SLC26A1: variants seen among roughly 807,000 people sequenced by gnomAD.
SLC26A1 encodes solute carrier family 26 member 1.
A neutral mutation model predicts 14.5 loss-of-function variants in SLC26A1; 18 were observed. That is an observed-to-expected ratio of 1.24 (90% CI 0.86 to 1.84). The LOEUF is 1.84. Among genes scored for constraint, SLC26A1 ranks in the 40% most tolerant of loss-of-function variants. The pLI is 0.00. For synonymous variants in SLC26A1, 505 were observed against 492.0 expected (o/e 1.03, Z -0.35); for missense variants, 1,049 against 1,020.0 (o/e 1.03, Z -0.39).
In SLC26A1 at chr4:990,117, CA is replaced by C. The variant is rs767260790; in HGVS notation, c.821del (p.Leu274ArgfsTer2). 1.9e-6 allele frequency: 3 copies of C among 1,580,946 alleles called. No homozygotes were observed. In the East Asian group the frequency reaches 7.0e-5, roughly 37 times the overall value. On this transcript the variant is annotated frameshift_variant, in exon 3 of 3. Transcript: ENST00000398516. LOFTEE classifies it low-confidence loss of function (END_TRUNC). Reference protein sequence around the residue: ...VVTSTVCLAVLLAAKELSDRY... With the variant: ...VVTSTVCLAVXLAAKELSDRY... Reference sequence around the variant, plus strand: ...GGTCTGAGAGCTCCTTCGCGGCTAGCAGCACCGCCAGGCACACCGTGCTGGT... The same window carrying C: ...GGTCTGAGAGCTCCTTCGCGGCTAGCGCACCGCCAGGCACACCGTGCTGGT...
At position 987,657 on chromosome 4, in the gene SLC26A1, T is replaced by C; in HGVS notation, c.*1176A>G. The C allele has an allele frequency of 1.0e-5, 15 of 1,465,620 alleles. No homozygotes were observed. The South Asian group carries it at 2.1e-4, about 20-fold the overall frequency. The allele number at this position is 1,465,620 out of a possible 1,614,324, so 90.8% of individuals were successfully genotyped here. On this transcript the variant is annotated 3_prime_UTR_variant, in exon 3 of 3. Transcript: ENST00000398516. ...CCCATGAAGATGGGACCTCCCCACA[T>C]TCCTGGCCCTAAGGGTCATTTTATT...
At chr4:992,045 T>C in intron 1 of SLC26A1, 2 of 579,268 alleles carry the variant, frequency 3.5e-6, no homozygotes, top group Non-Finnish European at 6.5e-6. Context: ...CTCCGGCCTA[T>C]TGGCTCTGCG....
Position 989,663 on chromosome 4 carries a change from C to A in SLC26A1, c.1276G>T (p.Val426Leu), listed in dbSNP as rs1252784230. 3 of 1,579,192 alleles carry A rather than the reference C, an allele frequency of 1.9e-6. No homozygotes were observed. In the Admixed American group the frequency reaches 5.5e-5, roughly 29 times the overall value. ...SVVSATVVLL[V>L]LLALAPLFHD... is the part of the protein sequence containing the mutation. ...AACAGCGGTGCCAGCGCCAGCAGCA[C>A]CAGCAGCACCACGGTGGCGCTGACC... The change falls in exon 3 of 3, where the codon GTG (valine) becomes TTG (leucine). Residue 426 changes from valine to leucine, a missense_variant. Physicochemically the swap from Val to Leu is conservative, Grantham distance 32. Transcript: ENST00000398516.
chr4:985,284 G>A (rs1430590574), downstream of SLC26A1, among the ~76,000 whole-genome samples: 1 of 152,270 alleles, frequency 6.6e-6, no homozygotes, highest in Non-Finnish European at 1.5e-5. Flanking sequence ...CTGCAGGGGT[G>A]TGGAGTCGCC....
At chr4:990,418 C>G in intron 2 of SLC26A1, 56 bp from the exon 3 acceptor site, 1 of 1,490,230 alleles carries the variant, frequency 6.7e-7, no homozygotes, top group South Asian at 1.3e-5. Flanking sequence ...ACCTGCCCCT[C>G]ACCAGCACCT....
rs754967651 is a variant in SLC26A1 at position 989,941 on chromosome 4, G to GGGACCTGA, written c.990_997dup (p.Pro333LeufsTer8). 58 of 1,555,814 alleles carry GGGACCTGA rather than the reference G, an allele frequency of 3.7e-5. No individual in the cohort carries two copies. Among genetic ancestry groups the GGGACCTGA allele is most frequent in the Non-Finnish European group, 4.9e-5 (56 of 1,151,210 alleles). On this transcript the variant is annotated frameshift_variant, in exon 3 of 3. Transcript: ENST00000398516. LOFTEE classifies it low-confidence loss of function (END_TRUNC). ...CACACGCTGCATCAGCCTGGGCTCT[G>GGGACCTGA]GGACCTGAGGGGGCATGAAACCCGT...
chr4:990,782 G>A lies in SLC26A1; in HGVS notation c.576+346C>T, dbSNP rs529943994. On this transcript the variant is annotated intron_variant, in intron 2 of 2. Coordinates refer to ENST00000398516, the MANE Select transcript of SLC26A1 (RefSeq NM_022042.4). ...CCAAGGCAGGAGACCTTCGGGGGTGGGGAGGCCATCCCCCACTCCACCTAG... is the reference window on the plus strand; with the variant it reads ...CCAAGGCAGGAGACCTTCGGGGGTGAGGAGGCCATCCCCCACTCCACCTAG... 4 of 389,630 alleles carry A rather than the reference G, an allele frequency of 1.0e-5. No homozygotes were observed. The Admixed American group carries it at 1.7e-4, about 17-fold the overall frequency. 24.1% of individuals were successfully genotyped at this position (389,630 alleles called of 1,614,324 possible). A position where few individuals can be genotyped will look rare whatever the true frequency, so the allele number is the denominator to read the frequency against.
downstream of SLC26A1, among the ~76,000 whole-genome samples, chr4:983,042 C>T (rs1713594602): frequency 6.6e-6 from 1 of 152,256 alleles, no homozygotes; most frequent in South Asian, 2.1e-4. Context: ...CGGAGGGCGT[C>T]TTCAGGAGGC....
chr4:982,904 T>C (rs1482661796), downstream of SLC26A1, among the ~76,000 whole-genome samples: 3 of 152,220 alleles, frequency 2.0e-5, no homozygotes, highest in Admixed American at 6.5e-5. Context: ...CTCCCCTGTA[T>C]AGGAACACTG....
chr4:992,009 C>T (rs762655657), intron 1 of SLC26A1: 9 of 641,578 alleles, frequency 1.4e-5, no homozygotes, highest in African/African-American at 5.3e-5. Context: ...TGAGGGGCGG[C>T]GTGGCGGCAC....
Sources: gnomAD v4.1 joint callset for allele counts (sites outside exome capture counted in the v4.1 genomes callset) on GRCh38, gnomAD v4.1.1 for gene constraint, MANE v1.5 for transcripts, NCBI Gene and HGNC (gene_info 2026-07-23, HGNC 2026-07-21) for gene names.